PELI2: variants seen among roughly 807,000 people sequenced by gnomAD.
PELI2 encodes pellino E3 ubiquitin protein ligase family member 2, also known as E3 ubiquitin-protein ligase pellino homolog 2.
A neutral mutation model predicts 42.3 loss-of-function variants in PELI2; 23 were observed. The ratio of observed to expected loss-of-function variants is 0.54; its 90% CI spans 0.39 to 0.77. The LOEUF (loss-of-function observed/expected upper bound fraction) is 0.77, where lower values mean the gene tolerates loss of function less well. Among genes scored for constraint, PELI2 ranks in the 30% least tolerant of loss-of-function variants. The pLI, the probability that PELI2 is intolerant of heterozygous loss-of-function variation, is 0.00. For synonymous variants in PELI2, 245 were observed against 212.2 expected (o/e 1.15, Z -1.34); for missense variants, 463 against 553.2 (o/e 0.84, Z 1.64).
intron 2 of PELI2, among the ~76,000 whole-genome samples, chr14:56,268,622 C>G (rs1408936089): frequency 6.6e-6 from 1 of 152,188 alleles, no homozygotes; most frequent in Non-Finnish European, 1.5e-5. Flanking sequence ...ATAAAATGTT[C>G]AAAAGCAAAT....
Position 56,261,533 on chromosome 14 carries a change from A to G in PELI2, c.208-18143A>G, listed in dbSNP as rs369138884. Among the ~76,000 whole-genome samples, 14 of 152,356 alleles carry G rather than the reference A, an allele frequency of 9.2e-5. 1 individual carries two copies. Among genetic ancestry groups the G allele is most frequent in the African/African-American group, 3.4e-4 (14 of 41,566 alleles). On this transcript the variant is annotated intron_variant, in intron 2 of 5. Transcript: ENST00000267460. ...AAATTATAAATGATTACAAAAGTCC[A>G]TATAAATTCTGTCCCCCAAACTTGG... is the stretch of plus-strand genomic sequence containing the variant.
chr14:56,258,360 A>G (rs1167780448), intron 2 of PELI2, among the ~76,000 whole-genome samples: 2 of 152,170 alleles, frequency 1.3e-5, no homozygotes, highest in South Asian at 2.1e-4. Context: ...TCATGGAAGT[A>G]GTAAAATAAG....
chr14:56,235,470 C>A (rs535242827), intron 2 of PELI2, among the ~76,000 whole-genome samples: 1 of 152,216 alleles, frequency 6.6e-6, no homozygotes, highest in Non-Finnish European at 1.5e-5. Context: ...CTCTCTTCTA[C>A]GCTAACGGGT....
intron 1 of PELI2, among the ~76,000 whole-genome samples, chr14:56,126,906 G>C (rs1181228619): frequency 1.3e-5 from 2 of 152,340 alleles, no homozygotes; most frequent in East Asian, 3.9e-4. Context: ...GCTGTGGATA[G>C]AATTCAAAAT....
At chr14:56,118,956 C>CGCGGAGGACGCG (rs1311333741) in intron 1 of PELI2, among the ~76,000 whole-genome samples, 1 of 150,014 alleles carries the variant, frequency 6.7e-6, no homozygotes, top group Non-Finnish European at 1.5e-5. Context: ...GCGCTGTCCG[C>CGCGGAGGACGCG]GCGGAGGACG....
chr14:56,250,841 C>T (rs1888319721), intron 2 of PELI2, among the ~76,000 whole-genome samples: 1 of 152,178 alleles, frequency 6.6e-6, no homozygotes, highest in Non-Finnish European at 1.5e-5. Flanking sequence ...GTCAAGTTCA[C>T]ACTCAGTATT....
At chr14:56,142,108 A>G (rs954067799) in intron 1 of PELI2, among the ~76,000 whole-genome samples, 6 of 152,170 alleles carry the variant, frequency 3.9e-5, no homozygotes, top group African/African-American at 1.4e-4. Context: ...AACTTCAGAT[A>G]GCGACACTGA....
Position 56,118,600 on chromosome 14 carries a change from G to C in PELI2, c.-61G>C. The stretch of plus-strand genomic sequence containing the variant: ...GGGATTGTAGCGGCGGCGCGGACTC[G>C]GCGGGGATCGCGGCGGAGGCGGCGG... On this transcript the variant is annotated 5_prime_UTR_variant, in exon 1 of 6. Coordinates refer to ENST00000267460, the MANE Select transcript of PELI2 (RefSeq NM_021255.3). 8.9e-7 allele frequency: 1 copy of C among 1,122,924 alleles called. No individual in the cohort carries two copies. The highest frequency in any genetic ancestry group is 3.4e-5 in the East Asian group (1 of 29,712). The allele number at this position is 1,122,924 out of a possible 1,614,324, so 69.6% of individuals were successfully genotyped here.
At chr14:56,147,144 C>G (rs1480218353) in intron 1 of PELI2, among the ~76,000 whole-genome samples, 5 of 152,122 alleles carry the variant, frequency 3.3e-5, no homozygotes, top group Admixed American at 3.3e-4. Flanking sequence ...CTTTTTATGA[C>G]CAAGTGATAT....
chr14:56,237,430 T>G (rs12432053), intron 2 of PELI2, among the ~76,000 whole-genome samples: 61,304 of 151,972 alleles, frequency 0.4, 13,083 homozygotes, highest in South Asian at 0.53. Flanking sequence ...ACAACTCTAA[T>G]TTTTAGATCT....
At chr14:56,268,004 AG>A (rs1385050553) in intron 2 of PELI2, among the ~76,000 whole-genome samples, 13 of 152,200 alleles carry the variant, frequency 8.5e-5, no homozygotes, top group African/African-American at 3.1e-4. Context: ...GATTTATGTC[AG>A]ATTCAATTTA....
chr14:56,211,303 A>G (rs756828665), intron 2 of PELI2, among the ~76,000 whole-genome samples: 5 of 152,174 alleles, frequency 3.3e-5, no homozygotes, highest in Non-Finnish European at 7.4e-5. Flanking sequence ...GAGTCACAAG[A>G]TGATTGTTTT....
At chr14:56,255,994 T>G (rs1888515110) in intron 2 of PELI2, among the ~76,000 whole-genome samples, 1 of 152,164 alleles carries the variant, frequency 6.6e-6, no homozygotes, top group Non-Finnish European at 1.5e-5. Flanking sequence ...AGAAAATGAT[T>G]TGGGGCTGCT....
chr14:56,295,970 C>T (rs1278917432), intron 5 of PELI2, among the ~76,000 whole-genome samples: 4 of 152,254 alleles, frequency 2.6e-5, no homozygotes, highest in East Asian at 1.9e-4. Context: ...TTGCTGACCA[C>T]GCCTAGCTGC....
intron 2 of PELI2, among the ~76,000 whole-genome samples, chr14:56,276,971 C>G (rs1002877869): frequency 6.6e-6 from 1 of 152,176 alleles, no homozygotes; most frequent in Non-Finnish European, 1.5e-5. Context: ...TAATGTGATG[C>G]TTTCGCTATA....
At chr14:56,250,304 G>A (rs898847180) in intron 2 of PELI2, among the ~76,000 whole-genome samples, 2 of 152,170 alleles carry the variant, frequency 1.3e-5, no homozygotes, top group African/African-American at 4.8e-5. Context: ...CTTAGATGAG[G>A]TTTTCTAGAA....
At chr14:56,283,247 G>A (rs982143232) in intron 3 of PELI2, among the ~76,000 whole-genome samples, 28 of 152,148 alleles carry the variant, frequency 1.8e-4, no homozygotes, top group African/African-American at 5.3e-4. Context: ...TCAGCTTCCC[G>A]TTACTAACTT....
At chr14:56,271,417 T>C (rs868275647) in intron 2 of PELI2, among the ~76,000 whole-genome samples, 3 of 152,236 alleles carry the variant, frequency 2.0e-5, no homozygotes, top group Admixed American at 1.3e-4. Flanking sequence ...ATAGAAAGTT[T>C]GTATTTCATA....
chr14:56,120,721 G>C (rs759351726), intron 1 of PELI2, among the ~76,000 whole-genome samples: 5 of 152,180 alleles, frequency 3.3e-5, no homozygotes, highest in Non-Finnish European at 5.9e-5. Context: ...CATGCAAATA[G>C]AGGAGTAATA....
Sources: allele counts gnomAD v4.1 joint callset (sites outside exome capture counted in the v4.1 genomes callset), GRCh38; gene constraint gnomAD v4.1.1; transcripts MANE v1.5; gene names NCBI Gene and HGNC (gene_info 2026-07-23, HGNC 2026-07-21).